The following TNPO1 variants were observed in gnomAD, a reference collection of about 807,000 sequenced individuals.
The protein encoded by TNPO1 is transportin 1.
TNPO1 carries 8 observed loss-of-function variants against 119.5 expected under a neutral mutation model. That is an observed-to-expected ratio of 0.07 (90% CI 0.04 to 0.12). The LOEUF is 0.12. Among genes scored for constraint, TNPO1 ranks in the 10% least tolerant of loss-of-function variants. The probability of loss-of-function intolerance (pLI) is 1.00; values close to 1 mark genes in which losing one functional copy is unlikely to be tolerated. For synonymous variants in TNPO1, 362 were observed against 363.0 expected (o/e 1.00, Z 0.03); for missense variants, 576 against 1,089.8 (o/e 0.53, Z 6.64).
chr5:72,903,533 A>T (rs1223007194), intron 22 of TNPO1, among the ~76,000 whole-genome samples, 176 bp from the exon 23 acceptor site: 1 of 152,224 alleles, frequency 6.6e-6, no homozygotes, highest in Admixed American at 6.5e-5. Context: ...CTGTGGGCTA[A>T]TAGGGACAGC....
intron 18 of TNPO1, 40 bp from the exon 19 acceptor site, chr5:72,896,418 T>C: frequency 7.2e-7 from 1 of 1,390,560 alleles, no homozygotes. Flanking sequence ...AATATACTGC[T>C]ATTGAAAAGT....
intron 1 of TNPO1, 68 bp from the exon 2 acceptor site, chr5:72,848,317 A>G: frequency 6.9e-7 from 1 of 1,452,788 alleles, no homozygotes; most frequent in Non-Finnish European, 9.2e-7. Flanking sequence ...GCGCGCGGGA[A>G]GCCTCTGGGC....
At chr5:72,855,285 C>A (rs1336614675) in intron 3 of TNPO1, among the ~76,000 whole-genome samples, 10 of 149,052 alleles carry the variant, frequency 6.7e-5, no homozygotes, top group African/African-American at 2.2e-4. Context: ...AAAAAAAAAA[C>A]CAGCAACAAA....
At chr5:72,884,426 T>G (rs1165367873) in intron 11 of TNPO1, among the ~76,000 whole-genome samples, 1 of 152,232 alleles carries the variant, frequency 6.6e-6, no homozygotes. Flanking sequence ...ATGAGTGTTT[T>G]CTGTCTGGTA....
chr5:72,819,336 C>T (rs1743841821), intron 1 of TNPO1, among the ~76,000 whole-genome samples: 1 of 152,146 alleles, frequency 6.6e-6, no homozygotes, highest in Non-Finnish European at 1.5e-5. Context: ...ATATTCAAAC[C>T]ACAGCAAGTG....
intron 4 of TNPO1, among the ~76,000 whole-genome samples, chr5:72,861,082 T>C (rs1386904199): frequency 6.6e-6 from 1 of 152,042 alleles, no homozygotes; most frequent in Non-Finnish European, 1.5e-5. Context: ...CGGCTAGTTA[T>C]GTATTTTTAG....
intron 15 of TNPO1, among the ~76,000 whole-genome samples, chr5:72,892,143 A>AACAT (rs1226073691): frequency 6.6e-6 from 1 of 152,086 alleles, no homozygotes; most frequent in Non-Finnish European, 1.5e-5. Flanking sequence ...TAGAGTAGAT[A>AACAT]ACATACTGGG....
At chr5:72,817,132 T>A (rs1381497024) in intron 1 of TNPO1, among the ~76,000 whole-genome samples, 5 of 152,214 alleles carry the variant, frequency 3.3e-5, no homozygotes, top group Non-Finnish European at 7.4e-5. Flanking sequence ...CCGGGACGGC[T>A]GCCTTTCACT....
intron 1 of TNPO1, among the ~76,000 whole-genome samples, chr5:72,822,489 G>A (rs1201296401): frequency 6.6e-6 from 1 of 152,004 alleles, no homozygotes; most frequent in African/African-American, 2.4e-5. Flanking sequence ...AGTATATCAG[G>A]AGTCATGTGT....
Position 72,816,716 on chromosome 5 carries a change from C to A in TNPO1, c.-22C>A. The A allele has an allele frequency of 6.4e-7, 1 of 1,569,066 alleles. No homozygotes were observed. Among genetic ancestry groups the A allele is most frequent in the Non-Finnish European group, 8.6e-7 (1 of 1,159,800 alleles). On this transcript the variant is annotated 5_prime_UTR_variant, in exon 1 of 25. Coordinates refer to ENST00000337273, the MANE Select transcript of TNPO1 (RefSeq NM_002270.4). ...AGGCAGTGCCGCTTCGGCCGAAGGC[C>A]CGAGCGCCCGAGGCGTCTGGGATGG... is the stretch of plus-strand genomic sequence containing the variant.
intron 1 of TNPO1, among the ~76,000 whole-genome samples, chr5:72,845,516 AATGTTATGT>A (rs1745091979): frequency 6.6e-6 from 1 of 152,134 alleles, no homozygotes; most frequent in African/African-American, 2.4e-5. Flanking sequence ...TAAAATGATA[AATGTTATGT>A]ATGTAGATTT....
At chr5:72,891,751 A>G (rs1749076201) in intron 14 of TNPO1, 59 bp from the exon 15 acceptor site, 1 of 1,242,264 alleles carries the variant, frequency 8.0e-7, no homozygotes, top group South Asian at 1.3e-5. Context: ...CAAAGACTCA[A>G]AATGGTCTTG....
chr5:72,866,836 T>C (rs934845506), intron 6 of TNPO1, among the ~76,000 whole-genome samples: 4 of 152,114 alleles, frequency 2.6e-5, no homozygotes, highest in Non-Finnish European at 5.9e-5. Flanking sequence ...TTAATAAATA[T>C]TTTTTCACGA....
intron 1 of TNPO1, among the ~76,000 whole-genome samples, chr5:72,839,645 G>C (rs1462696355): frequency 6.6e-6 from 1 of 152,038 alleles, no homozygotes; most frequent in Non-Finnish European, 1.5e-5. Flanking sequence ...CATATTAATC[G>C]GTGCAGTCTG....
chr5:72,839,786 A>G (rs1029026265), intron 1 of TNPO1, among the ~76,000 whole-genome samples: 2 of 152,216 alleles, frequency 1.3e-5, no homozygotes, highest in Non-Finnish European at 2.9e-5. Flanking sequence ...TCAACTGGCT[A>G]TAAGTTCCCA....
chr5:72,820,806 G>C (rs765019734), intron 1 of TNPO1, among the ~76,000 whole-genome samples: 2 of 151,974 alleles, frequency 1.3e-5, no homozygotes, highest in Non-Finnish European at 2.9e-5. Context: ...ATAATGAATG[G>C]GTAAGTTGCA....
At chr5:72,896,252 A>T (rs962480120) in intron 18 of TNPO1, among the ~76,000 whole-genome samples, 2 of 152,180 alleles carry the variant, frequency 1.3e-5, no homozygotes, top group Non-Finnish European at 1.5e-5. Flanking sequence ...CTTAAGATAA[A>T]CATTACCAAC....
At chr5:72,874,220 A>G (rs913274584) in intron 7 of TNPO1, among the ~76,000 whole-genome samples, 30 of 152,160 alleles carry the variant, frequency 2.0e-4, no homozygotes, top group Admixed American at 1.8e-3. Flanking sequence ...CTCTGGAGGA[A>G]GTGCCTCTAA....
At position 72,877,342 on chromosome 5, in the gene TNPO1, C is replaced by T. The variant is rs200584417; in HGVS notation, c.916C>T (p.Pro306Ser). 3.0e-4 allele frequency: 471 copies of T among 1,556,558 alleles called. 2 individuals are homozygous for T. The East Asian group carries it at 8.2e-3, about 27-fold the overall frequency. ...ICKDVLVRHLPKLIPVLVNGM... is the reference protein window; with the variant it reads ...ICKDVLVRHLSKLIPVLVNGM... ...CAAAGATGTACTCGTAAGGCATCTT[C>T]CTAAGTAAGTGTTCCCTCTTATAAA... Residue 306 changes from proline (P) to serine (S), a missense_variant, in exon 9 of 25, where the codon CCT becomes TCT. Coordinates refer to ENST00000337273, the MANE Select transcript of TNPO1 (RefSeq NM_002270.4).
Sources: allele counts gnomAD v4.1 joint callset (sites outside exome capture counted in the v4.1 genomes callset), GRCh38; gene constraint gnomAD v4.1.1; transcripts MANE v1.5; gene names NCBI Gene and HGNC (gene_info 2026-07-23, HGNC 2026-07-21).